Variants in CPNE8 observed in about 807,000 individuals in gnomAD.
CPNE8 encodes the protein copine 8, also known as copine-8.
In CPNE8, 45 loss-of-function variants were observed where a neutral mutation model predicts 81.5. That is an observed-to-expected ratio of 0.55 (90% confidence interval 0.44 to 0.71). The LOEUF is 0.71. CPNE8 is among the 30% of genes least tolerant of loss of function. CPNE8 has a pLI of 0.00. For synonymous variants in CPNE8, 252 were observed against 226.3 expected (o/e 1.11, Z -1.02); for missense variants, 594 against 672.1 (o/e 0.88, Z 1.28).
intron 13 of CPNE8, among the ~76,000 whole-genome samples, chr12:38,708,232 A>T (rs1410350078): frequency 6.6e-6 from 1 of 152,196 alleles, no homozygotes; most frequent in Non-Finnish European, 1.5e-5. Flanking sequence ...GCTATAAAAC[A>T]GGTTTCTTGA....
intron 18 of CPNE8, among the ~76,000 whole-genome samples, chr12:38,672,870 C>T (rs943773556): frequency 2.0e-5 from 3 of 152,104 alleles, no homozygotes; most frequent in African/African-American, 7.2e-5. Context: ...TATTGTATTT[C>T]TTGCCCATGG....
intron 10 of CPNE8, among the ~76,000 whole-genome samples, chr12:38,757,249 T>C (rs1941480309): frequency 1.3e-5 from 2 of 151,874 alleles, no homozygotes; most frequent in African/African-American, 4.8e-5. Context: ...AATACAAAAA[T>C]AAGTAATAGG....
At chr12:38,890,578 T>C (rs78756189) in intron 1 of CPNE8, among the ~76,000 whole-genome samples, 8,071 of 152,116 alleles carry the variant, frequency 0.053, 682 homozygotes, top group African/African-American at 0.18. Context: ...TAAAAAAAAA[T>C]ACAGAGTCTG....
At chr12:38,854,994 G>C (rs1943707536) in intron 3 of CPNE8, among the ~76,000 whole-genome samples, 1 of 152,014 alleles carries the variant, frequency 6.6e-6, no homozygotes, top group African/African-American at 2.4e-5. Flanking sequence ...ATCTTATATA[G>C]AGAAAGTTCT....
In CPNE8 at chr12:38,849,831, T is replaced by C. The variant is rs558448997; in HGVS notation, c.187-1169A>G. ...TCAATTACAGCCACCAGTTATTGAG[T>C]ATTTACCTTGTTCCAAGCACTTTTC... On this transcript the variant is annotated intron_variant, in intron 3 of 19. Transcript: ENST00000331366. Among the ~76,000 whole-genome samples, 3 of 152,296 alleles carry C rather than the reference T, an allele frequency of 2.0e-5. No individual in the cohort carries two copies. In the East Asian group the frequency reaches 5.8e-4, roughly 29 times the overall value.
At chr12:38,672,717 G>T (rs902232475) in intron 18 of CPNE8, among the ~76,000 whole-genome samples, 2 of 152,068 alleles carry the variant, frequency 1.3e-5, no homozygotes, top group Admixed American at 6.6e-5. Context: ...TATAATAAAG[G>T]TTCTTTTTTA....
At chr12:38,734,526 C>G (rs1357239343) in intron 10 of CPNE8, among the ~76,000 whole-genome samples, 1 of 151,954 alleles carries the variant, frequency 6.6e-6, no homozygotes, top group Non-Finnish European at 1.5e-5. Flanking sequence ...GCTTATTTTC[C>G]TGACATTTAT....
In CPNE8 at chr12:38,685,544, G is replaced by T. The variant is rs183270935; in HGVS notation, c.1217C>A (p.Ser406Tyr). The change falls in exon 16 of 20, where the codon TCT (serine) becomes TAT (tyrosine). Residue 406 changes from serine (S) to tyrosine (Y), a missense_variant. Physicochemically the swap from Ser to Tyr is moderately radical, Grantham distance 144. Coordinates refer to ENST00000331366, the MANE Select transcript of CPNE8 (RefSeq NM_153634.3). ...VMEAYYRSLK[S>Y]VQLYGPTNFA... ...GTTGGTGGGCCCATATAGTTGTACA[G>T]ATTTCAGACTCCTGTAATAAGCCTC... is the stretch of plus-strand genomic sequence containing the variant. 5.6e-6 allele frequency: 9 copies of T among 1,613,576 alleles called. No individual in the cohort carries two copies. The highest frequency in any genetic ancestry group is 1.7e-5 in the Admixed American group (1 of 60,002).
chr12:38,850,352 G>T (rs1943626355), intron 3 of CPNE8, among the ~76,000 whole-genome samples: 1 of 152,032 alleles, frequency 6.6e-6, no homozygotes, highest in Admixed American at 6.5e-5. Context: ...AAAATGAAGT[G>T]AAATTTCCCA....
intron 7 of CPNE8, among the ~76,000 whole-genome samples, chr12:38,771,114 A>C (rs546418892): frequency 7.9e-5 from 12 of 152,204 alleles, no homozygotes; most frequent in Admixed American, 1.3e-4. Context: ...ATCAATCAAT[A>C]AATAAAAACA....
intron 19 of CPNE8, 86 bp from the exon 20 acceptor site, chr12:38,654,156 G>A: frequency 7.0e-7 from 1 of 1,425,278 alleles, no homozygotes; most frequent in South Asian, 1.6e-5. Context: ...TACACATTTG[G>A]TCATAGGAAA....
At chr12:38,806,078 C>T (rs867068185) in intron 6 of CPNE8, among the ~76,000 whole-genome samples, 1 of 150,230 alleles carries the variant, frequency 6.7e-6, no homozygotes, top group African/African-American at 2.4e-5. Context: ...CTGAATAGAC[C>T]AATAACAGGC....
At chr12:38,731,991 A>C (rs1940842148) in intron 10 of CPNE8, among the ~76,000 whole-genome samples, 1 of 151,826 alleles carries the variant, frequency 6.6e-6, no homozygotes, top group Non-Finnish European at 1.5e-5. Context: ...TATCTTAATA[A>C]CCACTGAGAT....
At chr12:38,830,523 A>G (rs1294453991) in intron 5 of CPNE8, among the ~76,000 whole-genome samples, 1 of 152,214 alleles carries the variant, frequency 6.6e-6, no homozygotes, top group Non-Finnish European at 1.5e-5. Flanking sequence ...AGGGAAAGAC[A>G]CGTGCCTTCT....
chr12:38,729,810 T>C (rs1940790052), intron 11 of CPNE8, among the ~76,000 whole-genome samples: 2 of 152,044 alleles, frequency 1.3e-5, no homozygotes, highest in African/African-American at 2.4e-5. Context: ...ACAATGTGTC[T>C]GCTTTAACAA....
At position 38,869,442 on chromosome 12, in the gene CPNE8, A is replaced by T. The variant is rs375995832; in HGVS notation, c.186+3562T>A. On this transcript the variant is annotated intron_variant, in intron 3 of 19. Coordinates refer to ENST00000331366, the MANE Select transcript of CPNE8 (RefSeq NM_153634.3). ...TATTTCTCATGTTACAAATGAGGAA[A>T]CAGAGTCACTGAAAGATCAAGTGCA... is the stretch of plus-strand genomic sequence containing the variant. Among the ~76,000 whole-genome samples, 3 of 152,202 alleles carry T rather than the reference A, an allele frequency of 2.0e-5. No individual in the cohort carries two copies. The South Asian group carries it at 6.2e-4, about 31-fold the overall frequency.
intron 6 of CPNE8, among the ~76,000 whole-genome samples, chr12:38,813,125 T>C (rs543373597): frequency 4.6e-5 from 7 of 152,266 alleles, no homozygotes; most frequent in African/African-American, 1.7e-4. Context: ...TTATTTTTCT[T>C]CAAAGGGCAT....
chr12:38,834,412 C>T (rs1943348593), intron 5 of CPNE8, among the ~76,000 whole-genome samples: 1 of 152,218 alleles, frequency 6.6e-6, no homozygotes, highest in South Asian at 2.1e-4. Context: ...ATTATATGAA[C>T]CACATCACTA....
At chr12:38,757,832 A>C (rs1941491449) in intron 10 of CPNE8, among the ~76,000 whole-genome samples, 1 of 149,962 alleles carries the variant, frequency 6.7e-6, no homozygotes, top group African/African-American at 2.4e-5. Flanking sequence ...TTTCCAAGGA[A>C]TGTTTAAATT....
Sources: gnomAD v4.1 joint callset for allele counts (sites outside exome capture counted in the v4.1 genomes callset) on GRCh38, gnomAD v4.1.1 for gene constraint, MANE v1.5 for transcripts, NCBI Gene and HGNC (gene_info 2026-07-23, HGNC 2026-07-21) for gene names.